Variants in EMX1 observed in about 807,000 individuals in gnomAD.
EMX1 encodes the protein homeobox protein EMX1.
Under a neutral mutation model 20.1 loss-of-function variants are expected in EMX1, and 10 were observed. The ratio of observed to expected loss-of-function variants is 0.50; its 90% CI spans 0.31 to 0.84. The LOEUF (loss-of-function observed/expected upper bound fraction) is 0.84. Among genes scored for constraint, EMX1 ranks in the 40% least tolerant of loss-of-function variants. The probability of loss-of-function intolerance (pLI) is 0.05; values close to 1 mark genes in which losing one functional copy is unlikely to be tolerated. For synonymous variants in EMX1, 250 were observed against 200.4 expected (o/e 1.25, Z -2.09); for missense variants, 424 against 431.9 (o/e 0.98, Z 0.16).
chr2:72,929,798 T>C (rs966330178), intron 2 of EMX1, among the ~76,000 whole-genome samples: 1 of 152,238 alleles, frequency 6.6e-6, no homozygotes, highest in Non-Finnish European at 1.5e-5. Flanking sequence ...TTTCCCTTTG[T>C]TCTTGCATGC....
chr2:72,923,337 A>ATATATC (rs1044466900), intron 1 of EMX1: 1 of 152,238 alleles, frequency 6.6e-6, no homozygotes, highest in Non-Finnish European at 1.5e-5. Flanking sequence ...GCAGAAACCA[A>ATATATC]TATATCTATA....
At chr2:72,925,817 CTG>C (rs753976231) in intron 2 of EMX1, 2 of 985,440 alleles carry the variant, frequency 2.0e-6, no homozygotes, top group Non-Finnish European at 2.4e-6. Flanking sequence ...GTCGTCATAT[CTG>C]TCTGCTGCCC....
intron 2 of EMX1, among the ~76,000 whole-genome samples, chr2:72,924,858 C>A (rs1488193157): frequency 6.6e-6 from 1 of 152,222 alleles, no homozygotes; most frequent in African/African-American, 2.4e-5. Context: ...GAGCTGGCTC[C>A]AGCCCTGGCA....
intron 1 of EMX1, among the ~76,000 whole-genome samples, chr2:72,921,609 C>T (rs1350103280): frequency 6.6e-6 from 1 of 152,204 alleles, no homozygotes; most frequent in African/African-American, 2.4e-5. Flanking sequence ...AGGGAAACGT[C>T]CTTATTCTTT....
chr2:72,921,298 C>T (rs778580657), intron 1 of EMX1, among the ~76,000 whole-genome samples: 16 of 152,154 alleles, frequency 1.1e-4, no homozygotes, highest in Non-Finnish European at 2.2e-4. Context: ...GACGGCTATA[C>T]CAGTCCCTTT....
rs763196199 is a variant in EMX1, at chr2:72,933,956, G to A, written c.*2G>A. ...ATCGATGTCACCTCCAATGACTAGG[G>A]TGGGCAACCACAAACCCACGAGGGC... On this transcript the variant is annotated 3_prime_UTR_variant, in exon 3 of 3. Transcript: ENST00000258106. 6.2e-6 allele frequency: 10 copies of A among 1,614,112 alleles called. No homozygotes were observed. Among genetic ancestry groups the A allele is most frequent in the Non-Finnish European group, 8.5e-6 (10 of 1,180,044 alleles).
At chr2:72,916,907 A>G (rs1670974070), upstream of EMX1, 1 of 717,306 alleles carries the variant, frequency 1.4e-6, no homozygotes, top group Non-Finnish European at 2.6e-6. Context: ...TGGCAGTGGG[A>G]CCGCTCCGGC....
Position 72,918,341 on chromosome 2 carries a change from G to A in EMX1, c.489G>A (p.Leu163=). The A allele has an allele frequency of 6.6e-7, 1 of 1,516,384 alleles. No individual in the cohort carries two copies. Among genetic ancestry groups the A allele is most frequent in the Non-Finnish European group, 8.8e-7 (1 of 1,142,728 alleles). 93.9% of individuals were successfully genotyped at this position (1,516,384 alleles called of 1,614,324 possible). The change falls in exon 1 of 3, where the codon CTG becomes CTA. Residue 163 remains leucine, a synonymous_variant. Coordinates refer to ENST00000258106, the MANE Select transcript of EMX1 (RefSeq NM_004097.3). ...RDPLHFYPWV[L]RNRFFGHRFQ... ...CTCTCCATTTCTACCCCTGGGTCCT[G>A]CGGAACCGCTTCTTCGGCCACCGCT...
chr2:72,919,465 A>T (rs1671062531), intron 1 of EMX1, among the ~76,000 whole-genome samples: 1 of 152,196 alleles, frequency 6.6e-6, no homozygotes, highest in Admixed American at 6.5e-5. Flanking sequence ...TAGAGAAACA[A>T]ATGAAAGGGA....
At chr2:72,931,701 A>C (rs987558555) in intron 2 of EMX1, among the ~76,000 whole-genome samples, 1 of 152,236 alleles carries the variant, frequency 6.6e-6, no homozygotes, top group African/African-American at 2.4e-5. Flanking sequence ...TGTGCAGGCT[A>C]TGGGCTTGGA....
chr2:72,927,756 A>T (rs186794332), intron 2 of EMX1, among the ~76,000 whole-genome samples: 246 of 152,374 alleles, frequency 1.6e-3, no homozygotes, highest in African/African-American at 5.6e-3. Context: ...TCTGTTTCTT[A>T]CAGGACCCAG....
intron 2 of EMX1, among the ~76,000 whole-genome samples, chr2:72,926,699 A>T (rs1671206289): frequency 6.6e-6 from 1 of 152,172 alleles, no homozygotes; most frequent in Non-Finnish European, 1.5e-5. Context: ...ACCTCATATG[A>T]GCTCAAATAA....
chr2:72,918,447 G>A, intron 1 of EMX1, 75 bp downstream of exon 1: 1 of 1,346,566 alleles, frequency 7.4e-7, no homozygotes, highest in Non-Finnish European at 9.5e-7. Context: ...AGGCTCGGGG[G>A]CGCGCGGGGC....
At position 72,924,330 on chromosome 2, in the gene EMX1, G is replaced by C. The variant is rs1348927960; in HGVS notation, c.542G>C (p.Gly181Ala). The change falls in exon 2 of 3, where the codon GGG (glycine) becomes GCG (alanine). Residue 181 changes from glycine to alanine, a missense_variant. Physicochemically the swap from Gly to Ala is moderately conservative, Grantham distance 60. This residue lies in a region of EMX1 where 333 missense variants were observed against 296.6 expected (regional missense o/e 1.12). Coordinates refer to ENST00000258106, the MANE Select transcript of EMX1 (RefSeq NM_004097.3). ...RFQASDVPQD[G>A]LLLHGPFARK... ...GCAGCCAGCGACGTGCCCCAGGACG[G>C]GCTGCTTCTGCACGGCCCCTTCGCA... The C allele has an allele frequency of 1.3e-6, 2 of 1,574,374 alleles. No individual in the cohort carries two copies. Among genetic ancestry groups the C allele is most frequent in the African/African-American group, 2.7e-5 (2 of 74,700 alleles).
intron 2 of EMX1, among the ~76,000 whole-genome samples, chr2:72,928,314 C>T (rs1671235721): frequency 6.6e-6 from 1 of 152,336 alleles, no homozygotes; most frequent in Non-Finnish European, 1.5e-5. Flanking sequence ...TGGGTCATTG[C>T]AGAGGCTCAA....
intron 1 of EMX1, among the ~76,000 whole-genome samples, chr2:72,919,627 G>A (rs1431960905): frequency 6.6e-6 from 1 of 152,148 alleles, no homozygotes; most frequent in Non-Finnish European, 1.5e-5. Context: ...CCCAGGTCCC[G>A]ATTTGTCAGG....
chr2:72,925,763 C>T (rs1671190855), intron 2 of EMX1: 5 of 985,284 alleles, frequency 5.1e-6, no homozygotes, highest in East Asian at 1.1e-4. Context: ...CTTTCTTCGG[C>T]GGACCTTACC....
At chr2:72,929,246 G>A (rs1671248273) in intron 2 of EMX1, among the ~76,000 whole-genome samples, 1 of 152,204 alleles carries the variant, frequency 6.6e-6, no homozygotes, top group Admixed American at 6.5e-5. Context: ...ATGAGGGGGA[G>A]ATAAAGGAGA....
rs1671263934 is a variant in EMX1, at chr2:72,930,487, G to A, written c.706-3300G>A. On this transcript the variant is annotated intron_variant, in intron 2 of 2. Coordinates refer to ENST00000258106, the MANE Select transcript of EMX1 (RefSeq NM_004097.3). This position sits in a 1 kb window ranked among gnomAD's most constrained non-coding sequence, Gnocchi z 4.4. ...TGAGATGTTCACTTCACAGTGAAATGAGGACTTGGGAGACCACAAGGGACC... is the reference window on the plus strand; with the variant it reads ...TGAGATGTTCACTTCACAGTGAAATAAGGACTTGGGAGACCACAAGGGACC... Among the ~76,000 whole-genome samples, 2 of 152,194 alleles carry A rather than the reference G, an allele frequency of 1.3e-5. No homozygotes were observed. The highest frequency in any genetic ancestry group is 2.9e-5 in the Non-Finnish European group (2 of 68,042).
Sources: allele counts gnomAD v4.1 joint callset (sites outside exome capture counted in the v4.1 genomes callset), GRCh38; gene constraint gnomAD v4.1.1; regional missense constraint gnomAD v4.1.1; non-coding constraint Gnocchi (gnomAD v3.1); transcripts MANE v1.5; gene names NCBI Gene and HGNC (gene_info 2026-07-23, HGNC 2026-07-21).